Variants in FGGY observed in about 807,000 individuals in gnomAD.
The protein encoded by FGGY is FGGY carbohydrate kinase domain-containing protein.
A neutral mutation model predicts 71.3 loss-of-function variants in FGGY; 72 were observed. The ratio of observed to expected loss-of-function variants is 1.01; its 90% confidence interval spans 0.84 to 1.23. FGGY has a LOEUF of 1.23. Ranked by LOEUF, FGGY falls within the 50% of genes most tolerant of loss-of-function variation. The pLI is 0.00. For missense variants in FGGY, 668 were observed against 682.3 expected, an observed-to-expected ratio of 0.98 and a Z score of 0.23; for synonymous variants, 251 against 250.3, an observed-to-expected ratio of 1.00 and a Z score of -0.02.
intron 6 of FGGY, among the ~76,000 whole-genome samples, chr1:59,498,257 C>A (rs952306935): frequency 6.6e-6 from 1 of 152,064 alleles, no homozygotes; most frequent in Non-Finnish European, 1.5e-5. Flanking sequence ...AGTAGCTTGC[C>A]CAAAGTCATT....
chr1:59,604,044 C>A (rs142235226), intron 8 of FGGY, among the ~76,000 whole-genome samples: 180 of 152,262 alleles, frequency 1.2e-3, no homozygotes, highest in African/African-American at 4.2e-3. Flanking sequence ...CTGTAATATG[C>A]TTAGAATCAG....
At chr1:59,714,534 A>T (rs2097827952) in intron 14 of FGGY, among the ~76,000 whole-genome samples, 1 of 152,206 alleles carries the variant, frequency 6.6e-6, no homozygotes, top group Non-Finnish European at 1.5e-5. Context: ...TTGGGGGATT[A>T]TAGCCTAAAT....
chr1:59,449,598 T>G (rs1243900350), intron 5 of FGGY, among the ~76,000 whole-genome samples: 1 of 152,238 alleles, frequency 6.6e-6, no homozygotes, highest in Non-Finnish European at 1.5e-5. Context: ...GCCATATTTT[T>G]GCATCTTTTT....
intron 6 of FGGY, among the ~76,000 whole-genome samples, chr1:59,459,760 A>T (rs565406056): frequency 5.3e-5 from 8 of 152,356 alleles, no homozygotes; most frequent in Non-Finnish European, 7.3e-5. Context: ...CTAATTGATT[A>T]TCCAGGTGCC....
At chr1:59,616,086 C>A (rs2096750046) in intron 9 of FGGY, among the ~76,000 whole-genome samples, 1 of 152,164 alleles carries the variant, frequency 6.6e-6, no homozygotes, top group African/African-American at 2.4e-5. Flanking sequence ...GGTGATTCCT[C>A]AGGGATCTAG....
chr1:59,383,205 T>C (rs2059684413), intron 5 of FGGY, among the ~76,000 whole-genome samples: 1 of 152,194 alleles, frequency 6.6e-6, no homozygotes, highest in Admixed American at 6.5e-5. Context: ...TCAAAACATG[T>C]ATCCCCAGGT....
chr1:59,574,012 G>A (rs1199299397), intron 8 of FGGY, among the ~76,000 whole-genome samples: 1 of 152,136 alleles, frequency 6.6e-6, no homozygotes, highest in Non-Finnish European at 1.5e-5. Flanking sequence ...GTATGTTTGT[G>A]GGAGTGGTAG....
At chr1:59,749,878 G>A (rs1300923457) in intron 14 of FGGY, among the ~76,000 whole-genome samples, 1 of 152,180 alleles carries the variant, frequency 6.6e-6, no homozygotes, top group Non-Finnish European at 1.5e-5. Flanking sequence ...TAAAAATCCA[G>A]TTTCAAATTC....
At chr1:59,552,699 T>G (rs2095627524) in intron 7 of FGGY, among the ~76,000 whole-genome samples, 1 of 152,180 alleles carries the variant, frequency 6.6e-6, no homozygotes, top group Non-Finnish European at 1.5e-5. Context: ...GTTAGCTGCC[T>G]TTGTGGCCCC....
At chr1:59,469,163 A>T (rs947230701) in intron 6 of FGGY, among the ~76,000 whole-genome samples, 11 of 152,232 alleles carry the variant, frequency 7.2e-5, no homozygotes, top group African/African-American at 2.7e-4. Flanking sequence ...AGATTGATTC[A>T]TGAACTCAGA....
In FGGY at chr1:59,589,046, G is replaced by T. The variant is rs200210052; in HGVS notation, c.904-18757G>T. On this transcript the variant is annotated intron_variant, in intron 8 of 15. Transcript: ENST00000303721. ...CAGTGTGCTGTATTCAGGAAACCCA[G>T]CTCACATGCAGAGACACACATAGGC... Among the ~76,000 whole-genome samples the T allele has an allele frequency of 1.6e-4, 24 of 152,206 alleles. No homozygotes were observed. The East Asian group carries it at 3.7e-3, about 23-fold the overall frequency.
At chr1:59,378,472 T>C (rs578243895) in intron 4 of FGGY, among the ~76,000 whole-genome samples, 2 of 152,130 alleles carry the variant, frequency 1.3e-5, no homozygotes, top group Non-Finnish European at 2.9e-5. Context: ...TTATCAGCAG[T>C]GTGAAAATGG....
intron 1 of FGGY, among the ~76,000 whole-genome samples, chr1:59,308,974 T>G (rs1170400509): frequency 6.6e-6 from 1 of 152,196 alleles, no homozygotes; most frequent in African/African-American, 2.4e-5. Flanking sequence ...CTAGAGTGTT[T>G]GTGGATATGT....
chr1:59,738,890 T>G (rs1352940761), intron 14 of FGGY, among the ~76,000 whole-genome samples: 1 of 152,178 alleles, frequency 6.6e-6, no homozygotes, highest in Non-Finnish European at 1.5e-5. Flanking sequence ...GGCCAGTGCT[T>G]CTTTGTCCAT....
At chr1:59,642,233 T>C (rs1156913880) in intron 11 of FGGY, among the ~76,000 whole-genome samples, 1 of 152,188 alleles carries the variant, frequency 6.6e-6, no homozygotes, top group Non-Finnish European at 1.5e-5. Context: ...TCTACCTCAG[T>C]CCAACAAAGC....
intron 14 of FGGY, among the ~76,000 whole-genome samples, chr1:59,753,375 C>T (rs997062671): frequency 1.3e-5 from 2 of 149,884 alleles, no homozygotes; most frequent in African/African-American, 4.9e-5. Context: ...GTATTCTCCA[C>T]GTTGTGTCAG....
intron 14 of FGGY, among the ~76,000 whole-genome samples, chr1:59,720,716 C>T (rs1372413343): frequency 6.6e-6 from 1 of 152,118 alleles, no homozygotes; most frequent in African/African-American, 2.4e-5. Context: ...ATACTTGTGC[C>T]TGCCTGGGGG....
At chr1:59,390,402 C>G (rs191602241) in intron 5 of FGGY, among the ~76,000 whole-genome samples, 299 of 152,196 alleles carry the variant, frequency 2.0e-3, no homozygotes, top group Non-Finnish European at 3.4e-3. Context: ...GTCCTGAGTT[C>G]TATTTTCAAG....
chr1:59,733,461 G>GTTTTT lies in FGGY; in HGVS notation c.1513-24467_1513-24463dup, dbSNP rs139679887. ...CTGTTGTTTTGTTTTGTTTTGTTTT[G>GTTTTT]TTTTTTTGTTTTGTTTTGTTTTTTA... On this transcript the variant is annotated intron_variant, in intron 14 of 15. Coordinates refer to ENST00000303721, the MANE Select transcript of FGGY (RefSeq NM_018291.5). 2.9e-3 allele frequency among the ~76,000 whole-genome samples: 423 copies of GTTTTT among 145,058 alleles called. 2 individuals carry two copies. In the East Asian group the frequency reaches 0.03, roughly 10 times the overall value.
Sources: gnomAD v4.1 joint callset for allele counts (sites outside exome capture counted in the v4.1 genomes callset) on GRCh38, gnomAD v4.1.1 for gene constraint, MANE v1.5 for transcripts, NCBI Gene and HGNC (gene_info 2026-07-23, HGNC 2026-07-21) for gene names.